AZIN1: variants seen among roughly 807,000 people sequenced by gnomAD.
AZIN1 encodes the protein ornithine decarboxylase antizyme inhibitor.
A neutral mutation model predicts 47.4 loss-of-function variants in AZIN1; 12 were observed. That is an observed-to-expected ratio of 0.25 (90% confidence interval 0.16 to 0.41). AZIN1 has a LOEUF of 0.41. Among genes scored for constraint, AZIN1 ranks in the 10% least tolerant of loss-of-function variants. The pLI is 1.00. For missense variants in AZIN1, 410 were observed against 532.4 expected, an observed-to-expected ratio of 0.77 and a Z score of 2.26; for synonymous variants, 155 against 176.3, an observed-to-expected ratio of 0.88 and a Z score of 0.96.
chr8:102,839,010 A>G, intron 4 of AZIN1, 94 bp from the exon 5 acceptor site: 2 of 1,124,092 alleles, frequency 1.8e-6, no homozygotes, highest in Non-Finnish European at 2.5e-6. Flanking sequence ...CCCTTTTAAA[A>G]CCAGGGTCTC....
At chr8:102,849,094 G>A (rs553373333) in intron 2 of AZIN1, among the ~76,000 whole-genome samples, 8 of 152,174 alleles carry the variant, frequency 5.3e-5, no homozygotes, top group African/African-American at 1.7e-4. Flanking sequence ...TTGAGATCGA[G>A]ACCATCCTGG....
chr8:102,861,301 C>T (rs1813635459), intron 1 of AZIN1, among the ~76,000 whole-genome samples: 1 of 149,748 alleles, frequency 6.7e-6, no homozygotes, highest in Non-Finnish European at 1.5e-5. Context: ...GATCTCGGCT[C>T]ACTGCAACCT....
intron 2 of AZIN1, chr8:102,856,076 C>A (rs1813264695): frequency 6.9e-6 from 1 of 145,678 alleles, no homozygotes; most frequent in African/African-American, 2.5e-5. Flanking sequence ...AGCACAGATC[C>A]AGGTCAAGTT....
intron 2 of AZIN1, among the ~76,000 whole-genome samples, chr8:102,850,685 G>A (rs559232750): frequency 6.6e-6 from 1 of 152,198 alleles, no homozygotes; most frequent in African/African-American, 2.4e-5. Context: ...TGAGTACTCA[G>A]GATAAATCAG....
intron 1 of AZIN1, 46 bp downstream of exon 1, chr8:102,863,761 A>T (rs1455958399): frequency 1.3e-5 from 2 of 152,438 alleles, no homozygotes; most frequent in South Asian, 4.0e-4. Context: ...CCCCAAGGCC[A>T]GCCCCGCGTC....
chr8:102,833,033 A>G (rs1162968143), intron 9 of AZIN1, 23 bp downstream of exon 9: 4 of 1,569,724 alleles, frequency 2.5e-6, no homozygotes, highest in Non-Finnish European at 3.5e-6. Context: ...AACAAAAATA[A>G]AACTATAAAC....
At chr8:102,862,100 A>C (rs972044996) in intron 1 of AZIN1, among the ~76,000 whole-genome samples, 8 of 151,894 alleles carry the variant, frequency 5.3e-5, no homozygotes, top group African/African-American at 1.9e-4. Flanking sequence ...ACAAGAAAAA[A>C]CTTTTGAGGG....
At chr8:102,849,462 A>G (rs1242138035) in intron 2 of AZIN1, among the ~76,000 whole-genome samples, 1 of 152,178 alleles carries the variant, frequency 6.6e-6, no homozygotes, top group African/African-American at 2.4e-5. Flanking sequence ...TGGCTTACAG[A>G]TCAGAAACAG....
At chr8:102,839,514 G>A (rs1812040348) in intron 4 of AZIN1, 136 bp downstream of exon 4, 2 of 594,724 alleles carry the variant, frequency 3.4e-6, no homozygotes, top group African/African-American at 1.9e-5. Context: ...TCCAACATGA[G>A]GCTGGAGATT....
At chr8:102,831,835 G>C (rs1395052150) in intron 9 of AZIN1, among the ~76,000 whole-genome samples, 1 of 151,950 alleles carries the variant, frequency 6.6e-6, no homozygotes, top group Non-Finnish European at 1.5e-5. Flanking sequence ...TATGCCTGTA[G>C]TCCCAGCTAT....
chr8:102,858,115 C>G lies in AZIN1; in HGVS notation c.-198G>C. ...CTCTATACAGCACTTCTCCTAGGCC[C>G]TCTGGGTAGTTGTATACTTGGTCAG... On this transcript the variant is annotated 5_prime_UTR_variant, in exon 2 of 12. Transcript: ENST00000337198. 2.5e-6 allele frequency: 1 copy of G among 398,946 alleles called. No individual in the cohort carries two copies. The allele number at this position is 398,946 out of a possible 1,614,324, so 24.7% of individuals were successfully genotyped here.
In AZIN1 at chr8:102,848,250, ATC is replaced by A. The variant is rs201681969; in HGVS notation, c.-95-4505_-95-4504del. ...CCTAACGACACATTTCTCAGAATCT[ATC>A]TCTGTCATTAAGCTACCCATGCCTG... On this transcript the variant is annotated intron_variant, in intron 2 of 11. Transcript: ENST00000337198. Among the ~76,000 whole-genome samples, 5 of 146,226 alleles carry A rather than the reference ATC, an allele frequency of 3.4e-5. No individual in the cohort carries two copies. In the East Asian group the frequency reaches 1.0e-3, roughly 29 times the overall value.
chr8:102,833,481 T>C (rs545926956), intron 8 of AZIN1, among the ~76,000 whole-genome samples: 5 of 151,932 alleles, frequency 3.3e-5, no homozygotes, highest in Admixed American at 3.3e-4. Flanking sequence ...TGTTTTTTTT[T>C]AAGTCATTTT....
At chr8:102,832,691 A>ATT (rs2131199063) in intron 9 of AZIN1, among the ~76,000 whole-genome samples, 1 of 150,790 alleles carries the variant, frequency 6.6e-6, no homozygotes, top group South Asian at 2.1e-4. Context: ...CCCAGGCTGG[A>ATT]GTCCAGTGGC....
chr8:102,854,375 G>A (rs555830234), intron 2 of AZIN1: 5 of 151,622 alleles, frequency 3.3e-5, no homozygotes, highest in African/African-American at 9.7e-5. Flanking sequence ...CAAGGGGGGC[G>A]GATCACCTGA....
intron 2 of AZIN1, among the ~76,000 whole-genome samples, chr8:102,844,547 C>G (rs2679746): frequency 0.46 from 70,145 of 151,634 alleles, 16,334 homozygotes; most frequent in Admixed American, 0.51. Flanking sequence ...CAGAAGACCT[C>G]GTCCTGGCTA....
At chr8:102,853,221 A>G (rs1407587643) in intron 2 of AZIN1, among the ~76,000 whole-genome samples, 1 of 152,228 alleles carries the variant, frequency 6.6e-6, no homozygotes, top group African/African-American at 2.4e-5. Context: ...AAACTGGTCT[A>G]TGGTCGGGCG....
intron 1 of AZIN1, among the ~76,000 whole-genome samples, chr8:102,860,233 G>C (rs949384465): frequency 6.6e-6 from 1 of 152,214 alleles, no homozygotes; most frequent in Admixed American, 6.5e-5. Flanking sequence ...CGGTTGGTCA[G>C]TAAGAAACAA....
At chr8:102,838,504 GATT>G (rs1811967256) in intron 5 of AZIN1, among the ~76,000 whole-genome samples, 1 of 152,174 alleles carries the variant, frequency 6.6e-6, no homozygotes, top group Non-Finnish European at 1.5e-5. Context: ...ATTCCTTGAA[GATT>G]ATTAGATCAT....
Sources: allele counts gnomAD v4.1 joint callset (sites outside exome capture counted in the v4.1 genomes callset), GRCh38; gene constraint gnomAD v4.1.1; transcripts MANE v1.5; gene names NCBI Gene and HGNC (gene_info 2026-07-23, HGNC 2026-07-21).